Variants in EMX2 observed in about 807,000 individuals in gnomAD.
EMX2 encodes empty spiracles homeobox 2, also known as homeobox protein EMX2.
In EMX2, 6 loss-of-function variants were observed where a neutral mutation model predicts 23.0. The observed-to-expected ratio is 0.26, with a 90% CI of 0.14 to 0.52. The LOEUF is 0.52. Among genes scored for constraint, EMX2 ranks in the 20% least tolerant of loss-of-function variants. The pLI is 0.97. For missense variants in EMX2, 302 were observed against 341.4 expected, an observed-to-expected ratio of 0.88 and a Z score of 0.91; for synonymous variants, 175 against 153.3, an observed-to-expected ratio of 1.14 and a Z score of -1.04.
chr10:117,545,528 G>A lies in EMX2; in HGVS notation c.407-104G>A, dbSNP rs142080828. On this transcript the variant is annotated intron_variant, in intron 1 of 2. Transcript: ENST00000553456. Reference sequence around the variant, plus strand: ...CCCGCAGGTCGAGCGGCGCGGCTATGCGAAGGCCCTGAGCACGGTGCCGGG... The same window carrying A: ...CCCGCAGGTCGAGCGGCGCGGCTATACGAAGGCCCTGAGCACGGTGCCGGG... 3.2e-4 allele frequency: 465 copies of A among 1,431,088 alleles called. 5 individuals carry two copies. The East Asian group carries it at 0.011, about 33-fold the overall frequency. 88.6% of individuals were successfully genotyped at this position (1,431,088 alleles called of 1,614,324 possible). A position where few individuals can be genotyped will look rare whatever the true frequency, so the allele number is the denominator to read the frequency against.
chr10:117,545,829 C>T lies in EMX2; in HGVS notation c.591+13C>T, dbSNP rs764936907. On this transcript the variant is annotated intron_variant, in intron 2 of 2. Transcript: ENST00000553456. ...CACGGAAACTCAGGTGACTGCGGCC[C>T]GGGCGCGAGGAACCCATCTAGGCGT... 3 of 1,613,496 alleles carry T rather than the reference C, an allele frequency of 1.9e-6. No individual in the cohort carries two copies. The highest frequency in any genetic ancestry group is 4.5e-5 in the East Asian group (2 of 44,868).
chr10:117,546,363 T>C (rs1016646280), intron 2 of EMX2, among the ~76,000 whole-genome samples: 1 of 152,196 alleles, frequency 6.6e-6, no homozygotes, highest in Non-Finnish European at 1.5e-5. Context: ...GCAGAGAGGG[T>C]CTGCCTCAGG....
chr10:117,547,979 G>T, intron 2 of EMX2, 86 bp from the exon 3 acceptor site: 1 of 1,531,062 alleles, frequency 6.5e-7, no homozygotes. Flanking sequence ...TCTGGAACTG[G>T]AGTCTGGGCT....
Position 117,548,026 on chromosome 10 carries a change from TGAAA to T in EMX2, c.592-35_592-32del, listed in dbSNP as rs1564752427. On this transcript the variant is annotated intron_variant, in intron 2 of 2. Transcript: ENST00000553456. ...TCAGGCACTTGATAGAAGGGTGCTC[TGAAA>T]GAACTAACGCACCCCATCTGCCTCT... 2.5e-6 allele frequency: 4 copies of T among 1,583,970 alleles called. No homozygotes were observed. In the Admixed American group the frequency reaches 7.2e-5, roughly 29 times the overall value.
intron 1 of EMX2, 126 bp from the exon 2 acceptor site, chr10:117,545,506 G>T: frequency 8.5e-7 from 1 of 1,182,324 alleles, no homozygotes; most frequent in Non-Finnish European, 1.2e-6. Context: ...ACCGGCCCCC[G>T]CAGGTCGAGC....
At chr10:117,544,998 C>T (rs1325463776) in intron 1 of EMX2, 1 of 152,144 alleles carries the variant, frequency 6.6e-6, no homozygotes, top group Non-Finnish European at 1.5e-5. Flanking sequence ...TCGCGTTTCT[C>T]TTCTAGTTCT....
intron 2 of EMX2, among the ~76,000 whole-genome samples, chr10:117,547,567 T>A (rs865792109): frequency 1.1e-4 from 17 of 152,262 alleles, no homozygotes; most frequent in Middle Eastern, 3.4e-3. Context: ...AGACGCTATA[T>A]TTAGGAAACG....
intron 1 of EMX2, 107 bp from the exon 2 acceptor site, chr10:117,545,525 T>A: frequency 7.2e-7 from 1 of 1,382,698 alleles, no homozygotes; most frequent in Non-Finnish European, 9.9e-7. Context: ...GCGGCGCGGC[T>A]ATGCGAAGGC....
chr10:117,548,967 C>T lies in EMX2; in HGVS notation c.*735C>T, dbSNP rs1375239751. 1 of 210,418 alleles carries T rather than the reference C, an allele frequency of 4.8e-6. No homozygotes were observed. The highest frequency in any genetic ancestry group is 2.4e-5 in the African/African-American group (1 of 41,430). The allele number at this position is 210,418 out of a possible 1,614,324, so 13.0% of individuals were successfully genotyped here. A position where few individuals can be genotyped will look rare whatever the true frequency, so the allele number is the denominator to read the frequency against. On this transcript the variant is annotated 3_prime_UTR_variant, in exon 3 of 3. Transcript: ENST00000553456. The stretch of plus-strand genomic sequence containing the variant: ...CCAAGAAATGTGCAGTCTGTAAACA[C>T]TTTTTGATACCTTCTGATGTCAAAG...
In EMX2 at chr10:117,543,240, G is replaced by A; in HGVS notation, c.-28G>A. On this transcript the variant is annotated 5_prime_UTR_variant, in exon 1 of 3. Coordinates refer to ENST00000553456, the MANE Select transcript of EMX2 (RefSeq NM_004098.4). ...GTGCGGCGGTCGCCAGGAGCTGGGA[G>A]CCCAGGGCGCCCGCTCCTCGGCGCA... is the stretch of plus-strand genomic sequence containing the variant. 6.6e-7 allele frequency: 1 copy of A among 1,512,426 alleles called. No individual in the cohort carries two copies. Among genetic ancestry groups the A allele is most frequent in the South Asian group, 1.2e-5 (1 of 81,606 alleles). 93.7% of individuals were successfully genotyped at this position (1,512,426 alleles called of 1,614,324 possible). A position where few individuals can be genotyped will look rare whatever the true frequency, so the allele number is the denominator to read the frequency against.
At chr10:117,547,635 C>T (rs566409143) in intron 2 of EMX2, among the ~76,000 whole-genome samples, 1 of 152,234 alleles carries the variant, frequency 6.6e-6, no homozygotes, top group Non-Finnish European at 1.5e-5. Flanking sequence ...GCTGCAGCAG[C>T]GGCGGACTGA....
At chr10:117,545,340 C>G (rs1179686453) in intron 1 of EMX2, 2 of 329,530 alleles carry the variant, frequency 6.1e-6, no homozygotes, top group East Asian at 6.0e-5. Flanking sequence ...TGGCGAGGCC[C>G]GCGGCGCCAG....
In EMX2 at chr10:117,548,626, G is replaced by A. The variant is rs896220808; in HGVS notation, c.*394G>A. 6 of 468,742 alleles carry A rather than the reference G, an allele frequency of 1.3e-5. No individual in the cohort carries two copies. Among genetic ancestry groups the A allele is most frequent in the South Asian group, 5.5e-5 (1 of 18,276 alleles). 29.0% of individuals were successfully genotyped at this position (468,742 alleles called of 1,614,324 possible). ...AGCTGTCAATCAAACACCAAACCGG[G>A]GAGACAAGATGATTGGCAGGTATTC... On this transcript the variant is annotated 3_prime_UTR_variant, in exon 3 of 3. Transcript: ENST00000553456.
chr10:117,546,354 CAG>C (rs1846578434), intron 2 of EMX2, among the ~76,000 whole-genome samples: 2 of 152,246 alleles, frequency 1.3e-5, no homozygotes, highest in South Asian at 4.1e-4. Context: ...TGGGAGGCTG[CAG>C]AGAGGGTCTG....
intron 2 of EMX2, among the ~76,000 whole-genome samples, chr10:117,546,515 G>A (rs200927168): frequency 6.6e-6 from 1 of 152,042 alleles, no homozygotes; most frequent in East Asian, 1.9e-4. Context: ...AAACAGTAAC[G>A]TTTTTTTGGG....
At position 117,548,933 on chromosome 10, in the gene EMX2, T is replaced by C; in HGVS notation, c.*701T>C. 6.2e-6 allele frequency: 2 copies of C among 322,348 alleles called. No individual in the cohort carries two copies. The highest frequency in any genetic ancestry group is 1.1e-5 in the Non-Finnish European group (2 of 178,654). 20.0% of individuals were successfully genotyped at this position (322,348 alleles called of 1,614,324 possible). On this transcript the variant is annotated 3_prime_UTR_variant, in exon 3 of 3. Transcript: ENST00000553456. ...AGGTTCTGTGTGCTTTTTATTTTGA[T>C]TTTTTTTCCCAAGAAATGTGCAGTC...
Position 117,548,556 on chromosome 10 carries a change from G to T in EMX2, c.*324G>T, listed in dbSNP as rs1473650772. 2.3e-5 allele frequency: 11 copies of T among 478,640 alleles called. No individual in the cohort carries two copies. The highest frequency in any genetic ancestry group is 7.9e-5 in the African/African-American group (4 of 50,914). The allele number at this position is 478,640 out of a possible 1,614,324, so 29.6% of individuals were successfully genotyped here. A position where few individuals can be genotyped will look rare whatever the true frequency, so the allele number is the denominator to read the frequency against. Reference sequence around the variant, plus strand: ...AGAGAGAAAGAGAGAGAAAGAGAGAGAGAGAGAGAGAGAGAGAAAGCTGAA... The same window carrying T: ...AGAGAGAAAGAGAGAGAAAGAGAGATAGAGAGAGAGAGAGAGAAAGCTGAA... On this transcript the variant is annotated 3_prime_UTR_variant, in exon 3 of 3. Transcript: ENST00000553456.
In EMX2 at chr10:117,543,368, C is replaced by A; in HGVS notation, c.101C>A (p.Ala34Glu). ...CGCTCCGAGGACCCCATCCGTCCCG[C>A]GGCACTCAGCTACGCTAACTCCAGC... The part of the protein sequence containing the change: ...ASRSEDPIRP[A>E]ALSYANSSPI... The change falls in exon 1 of 3, where the codon GCG (alanine) becomes GAG (glutamate). Residue 34 changes from alanine to glutamate, a missense_variant. Around this residue, in one of 4 missense-constraint regions of EMX2, gnomAD observed 221 missense variants for 206.8 expected, o/e 1.07. Coordinates refer to ENST00000553456, the MANE Select transcript of EMX2 (RefSeq NM_004098.4). 1 of 1,569,446 alleles carries A rather than the reference C, an allele frequency of 6.4e-7. No individual in the cohort carries two copies. Among genetic ancestry groups the A allele is most frequent in the South Asian group, 1.2e-5 (1 of 85,882 alleles).
At chr10:117,545,427 C>G (rs1002654672) in intron 1 of EMX2, among the ~76,000 whole-genome samples, 1 of 152,172 alleles carries the variant, frequency 6.6e-6, no homozygotes, top group Non-Finnish European at 1.5e-5. Flanking sequence ...GGTGCCGCAC[C>G]GGTGGAGACC....
Sources: gnomAD v4.1 joint callset for allele counts (sites outside exome capture counted in the v4.1 genomes callset) on GRCh38, gnomAD v4.1.1 for gene constraint, gnomAD v4.1.1 regional missense constraint, MANE v1.5 for transcripts, NCBI Gene and HGNC (gene_info 2026-07-23, HGNC 2026-07-21) for gene names.